Variants in EBF2 observed in about 807,000 individuals in gnomAD.
EBF2 encodes transcription factor COE2.
Under a neutral mutation model 72.8 loss-of-function variants are expected in EBF2, and 21 were observed. The observed-to-expected ratio is 0.29, with a 90% confidence interval of 0.20 to 0.42. EBF2 has a LOEUF of 0.42. Ranked by LOEUF, EBF2 falls within the 10% of genes least tolerant of loss-of-function variation. The pLI, the probability that EBF2 is intolerant of heterozygous loss-of-function variation, is 1.00. For synonymous variants in EBF2, 299 were observed against 274.2 expected (o/e 1.09, Z -0.89); for missense variants, 637 against 731.2 (o/e 0.87, Z 1.49).
chr8:26,029,125 T>C (rs1217107593), intron 6 of EBF2, among the ~76,000 whole-genome samples: 2 of 152,186 alleles, frequency 1.3e-5, no homozygotes, highest in African/African-American at 4.8e-5. Flanking sequence ...TAATGGAGGA[T>C]CCCCTATTGT....
chr8:25,917,120 C>T (rs1382235212), intron 6 of EBF2, among the ~76,000 whole-genome samples: 3 of 151,682 alleles, frequency 2.0e-5, no homozygotes, highest in African/African-American at 7.3e-5. Context: ...TGATTCTCCA[C>T]TTATTTCTGA....
chr8:25,932,379 TAAA>T (rs10712503), intron 6 of EBF2, among the ~76,000 whole-genome samples: 9 of 145,802 alleles, frequency 6.2e-5, no homozygotes, highest in Admixed American at 1.4e-4. Flanking sequence ...GTCTCTTGAT[TAAA>T]AAAAAAAAAA....
intron 6 of EBF2, among the ~76,000 whole-genome samples, chr8:25,974,507 A>G (rs550204041): frequency 6.6e-6 from 1 of 152,364 alleles, no homozygotes; most frequent in Non-Finnish European, 1.5e-5. Context: ...TTAGCTATCA[A>G]TTAGTGCCTA....
At chr8:25,879,857 T>C (rs896750937) in intron 10 of EBF2, among the ~76,000 whole-genome samples, 3 of 152,202 alleles carry the variant, frequency 2.0e-5, no homozygotes, top group Non-Finnish European at 4.4e-5. Flanking sequence ...ACCTGAGTAT[T>C]TTCATTTGTT....
At chr8:25,909,282 AACT>A (rs1298946183) in intron 6 of EBF2, among the ~76,000 whole-genome samples, 1 of 152,196 alleles carries the variant, frequency 6.6e-6, no homozygotes, top group African/African-American at 2.4e-5. Context: ...TTCATCAGGC[AACT>A]ACGTTAACCA....
intron 10 of EBF2, among the ~76,000 whole-genome samples, chr8:25,881,381 T>G (rs564888512): frequency 6.6e-6 from 1 of 152,332 alleles, no homozygotes; most frequent in South Asian, 2.1e-4. Flanking sequence ...CATACTGTTT[T>G]GTCTATTCTA....
In EBF2 at chr8:25,985,875, G is replaced by A. The variant is rs192348291; in HGVS notation, c.551+47210C>T. Among the ~76,000 whole-genome samples, 225 of 151,516 alleles carry A rather than the reference G, an allele frequency of 1.5e-3. 3 individuals are homozygous for A. Among genetic ancestry groups the A allele is most frequent in the South Asian group, 4.2e-4 (2 of 4,764 alleles). On this transcript the variant is annotated intron_variant, in intron 6 of 15. Transcript: ENST00000520164. ...AAATTAGCTGGGCATGGTAGCATGC[G>A]TCTGTAGTCCCAGCTACTGGGGAGG...
intron 13 of EBF2, among the ~76,000 whole-genome samples, chr8:25,859,423 A>G (rs186003031): frequency 6.6e-6 from 1 of 152,276 alleles, no homozygotes; most frequent in African/African-American, 2.4e-5. Flanking sequence ...AGTGGGGATC[A>G]ATTTCATTCA....
intron 6 of EBF2, among the ~76,000 whole-genome samples, chr8:25,999,678 G>T (rs577191409): frequency 7.2e-6 from 1 of 139,448 alleles, no homozygotes; most frequent in South Asian, 2.3e-4. Flanking sequence ...TTCCCAAACC[G>T]TCCCCCATAT....
chr8:25,860,954 G>T, intron 13 of EBF2, 95 bp downstream of exon 13: 2 of 1,363,978 alleles, frequency 1.5e-6, no homozygotes, highest in Non-Finnish European at 2.1e-6. Context: ...GACACACTCT[G>T]TTGGACCATT....
intron 5 of EBF2, among the ~76,000 whole-genome samples, chr8:26,038,184 C>A (rs1805535932): frequency 6.6e-6 from 1 of 152,228 alleles, no homozygotes; most frequent in African/African-American, 2.4e-5. Context: ...CATGTACACA[C>A]ACACATGTAT....
intron 10 of EBF2, among the ~76,000 whole-genome samples, chr8:25,869,010 T>C (rs1802383723): frequency 6.6e-6 from 1 of 152,160 alleles, no homozygotes; most frequent in African/African-American, 2.4e-5. Context: ...TTTTCATGTT[T>C]CCACTAAGTC....
Position 26,006,909 on chromosome 8 carries a change from A to T in EBF2, c.551+26176T>A, listed in dbSNP as rs533155893. On this transcript the variant is annotated intron_variant, in intron 6 of 15. Transcript: ENST00000520164. ...AATAATCCAATATAGCTACTATCAA[A>T]AACACTCCTCTGACCATATTTACAT... Among the ~76,000 whole-genome samples the T allele has an allele frequency of 3.9e-5, 6 of 152,336 alleles. No homozygotes were observed. In the South Asian group the frequency reaches 1.2e-3, roughly 32 times the overall value.
chr8:26,002,874 GC>G lies in EBF2; in HGVS notation c.551+30210del, dbSNP rs1804758663. 5.8e-5 allele frequency among the ~76,000 whole-genome samples: 5 copies of G among 86,718 alleles called. No individual in the cohort carries two copies. In the South Asian group the frequency reaches 1.7e-3, roughly 29 times the overall value. The allele number at this position is 86,718 out of a possible 152,430, so 56.9% of individuals were successfully genotyped here. On this transcript the variant is annotated intron_variant, in intron 6 of 15. Coordinates refer to ENST00000520164, the MANE Select transcript of EBF2 (RefSeq NM_022659.4). ...GGCAGGCGGGCAGGCGGGCAGGCGG[GC>G]AGGCGGGCAGGCGGGCAGGCAGGCG...
intron 6 of EBF2, among the ~76,000 whole-genome samples, chr8:25,991,928 T>C (rs1804551078): frequency 2.0e-5 from 3 of 152,116 alleles, no homozygotes; most frequent in Non-Finnish European, 4.4e-5. Flanking sequence ...TGAGCAGCAA[T>C]AGACTAGCTA....
chr8:25,910,348 A>G lies in EBF2; in HGVS notation c.552-1793T>C, dbSNP rs372914405. Among the ~76,000 whole-genome samples the G allele has an allele frequency of 7.2e-4, 109 of 152,158 alleles. 1 individual carries two copies. The highest frequency in any genetic ancestry group is 2.2e-3 in the African/African-American group (91 of 41,536). On this transcript the variant is annotated intron_variant, in intron 6 of 15. Coordinates refer to ENST00000520164, the MANE Select transcript of EBF2 (RefSeq NM_022659.4). ...AACAATAGCCCCCGCTGCACCCCACACTGGCCCTCAACCACTCCCAGCGGC... is the reference window on the plus strand; with the variant it reads ...AACAATAGCCCCCGCTGCACCCCACGCTGGCCCTCAACCACTCCCAGCGGC...
At chr8:25,940,223 G>T (rs1311474511) in intron 6 of EBF2, among the ~76,000 whole-genome samples, 1 of 152,208 alleles carries the variant, frequency 6.6e-6, no homozygotes, top group Non-Finnish European at 1.5e-5. Flanking sequence ...GGGTTGCTAT[G>T]ACTTATGTTT....
intron 6 of EBF2, among the ~76,000 whole-genome samples, chr8:25,975,515 C>T (rs1455758058): frequency 1.3e-5 from 2 of 152,094 alleles, no homozygotes; most frequent in Non-Finnish European, 2.9e-5. Flanking sequence ...GAATAATATG[C>T]TTTGCAGGTT....
At chr8:26,041,213 T>C in intron 2 of EBF2, 3 of 605,792 alleles carry the variant, frequency 5.0e-6, no homozygotes, top group Non-Finnish European at 8.8e-6. Flanking sequence ...CACTTGACCC[T>C]TTCCAGCCCT....
Sources: gnomAD v4.1 joint callset for allele counts (sites outside exome capture counted in the v4.1 genomes callset) on GRCh38, gnomAD v4.1.1 for gene constraint, MANE v1.5 for transcripts, NCBI Gene and HGNC (gene_info 2026-07-23, HGNC 2026-07-21) for gene names.